The following PPM1L variants were observed in gnomAD, a reference collection of about 807,000 sequenced individuals.
The protein encoded by PPM1L is protein phosphatase, Mg2+/Mn2+ dependent 1L.
In PPM1L, 13 loss-of-function variants were observed where a neutral mutation model predicts 31.4. That is an observed-to-expected ratio of 0.41 (90% CI 0.27 to 0.66). PPM1L has a LOEUF of 0.66. PPM1L is among the 30% of genes least tolerant of loss of function. The probability of loss-of-function intolerance (pLI) is 0.29; values close to 1 mark genes in which losing one functional copy is unlikely to be tolerated. For synonymous variants in PPM1L, 184 were observed against 175.4 expected, an observed-to-expected ratio of 1.05 and a Z score of -0.39; for missense variants, 326 against 453.7, an observed-to-expected ratio of 0.72 and a Z score of 2.56.
At chr3:160,960,550 T>C (rs1221199427) in intron 1 of PPM1L, among the ~76,000 whole-genome samples, 1 of 141,968 alleles carries the variant, frequency 7.0e-6, no homozygotes, top group Non-Finnish European at 1.5e-5. Flanking sequence ...GTTCGTTTTT[T>C]AGCAGTTTTG....
intron 1 of PPM1L, among the ~76,000 whole-genome samples, chr3:160,903,218 G>T (rs1206129729): frequency 1.5e-4 from 22 of 146,168 alleles, no homozygotes; most frequent in Admixed American, 5.7e-4. Context: ...TTGTGTGTGT[G>T]TGTGTGTGTG....
At chr3:160,868,612 A>G (rs1284054051) in intron 1 of PPM1L, among the ~76,000 whole-genome samples, 3 of 152,168 alleles carry the variant, frequency 2.0e-5, no homozygotes, top group Non-Finnish European at 4.4e-5. Context: ...GTTTCCACCT[A>G]AAACCTAGTC....
chr3:160,814,743 G>A (rs1192544436), intron 1 of PPM1L, among the ~76,000 whole-genome samples: 1 of 146,002 alleles, frequency 6.8e-6, no homozygotes, highest in East Asian at 2.0e-4. Flanking sequence ...ATGTATATAT[G>A]TGTATATATA....
At chr3:160,811,073 AT>A (rs1712790223) in intron 1 of PPM1L, among the ~76,000 whole-genome samples, 1 of 152,226 alleles carries the variant, frequency 6.6e-6, no homozygotes, top group South Asian at 2.1e-4. Context: ...TGAAGAAAGC[AT>A]TTGATTTTCA....
intron 2 of PPM1L, among the ~76,000 whole-genome samples, chr3:160,966,210 C>G (rs1369071343): frequency 6.6e-6 from 1 of 152,002 alleles, no homozygotes; most frequent in Non-Finnish European, 1.5e-5. Context: ...TTATATAGTT[C>G]TGACTCATTA....
At chr3:160,821,064 T>G (rs1013716342) in intron 1 of PPM1L, among the ~76,000 whole-genome samples, 2 of 152,014 alleles carry the variant, frequency 1.3e-5, no homozygotes, top group African/African-American at 4.8e-5. Flanking sequence ...ACAGCCTGTA[T>G]TTTGTAGACT....
chr3:160,806,586 A>G (rs1712605545), intron 1 of PPM1L, among the ~76,000 whole-genome samples: 5 of 152,120 alleles, frequency 3.3e-5, no homozygotes, highest in Non-Finnish European at 2.9e-5. Flanking sequence ...CCTTAGCTGC[A>G]TGTTAGAATC....
rs1298477879 is a variant in PPM1L, at chr3:161,076,109, G to C, written c.*6952G>C. 1 of 151,898 alleles carries C rather than the reference G, an allele frequency of 6.6e-6. No homozygotes were observed. The highest frequency in any genetic ancestry group is 1.5e-5 in the Non-Finnish European group (1 of 68,014). The allele number at this position is 151,898 out of a possible 1,614,324, so 9.4% of individuals were successfully genotyped here. A position where few individuals can be genotyped will look rare whatever the true frequency, so the allele number is the denominator to read the frequency against. Reference sequence around the variant, plus strand: ...TGATTTGATATTCTTGCTTCTTAGAGAGTTTTCTAATCCATATAATGCAAT... The same window carrying C: ...TGATTTGATATTCTTGCTTCTTAGACAGTTTTCTAATCCATATAATGCAAT... On this transcript the variant is annotated 3_prime_UTR_variant, in exon 4 of 4. Transcript: ENST00000498165.
rs1242896665 is a variant in PPM1L, at chr3:161,078,888, T to C, written c.*9731T>C. 1 of 152,218 alleles carries C rather than the reference T, an allele frequency of 6.6e-6. No homozygotes were observed. The highest frequency in any genetic ancestry group is 1.5e-5 in the Non-Finnish European group (1 of 68,042). The allele number at this position is 152,218 out of a possible 1,614,324, so 9.4% of individuals were successfully genotyped here. A position where few individuals can be genotyped will look rare whatever the true frequency, so the allele number is the denominator to read the frequency against. ...GATTAAAGCAAAAATAAACACAAAG[T>C]TGTTAGACTTTAAACATGAGACTGC... On this transcript the variant is annotated 3_prime_UTR_variant, in exon 4 of 4. Coordinates refer to ENST00000498165, the MANE Select transcript of PPM1L (RefSeq NM_139245.4).
intron 1 of PPM1L, among the ~76,000 whole-genome samples, chr3:160,868,873 A>G (rs975297240): frequency 1.3e-5 from 2 of 152,218 alleles, no homozygotes; most frequent in African/African-American, 2.4e-5. Flanking sequence ...ATGCAACTGG[A>G]TACAAATATT....
At chr3:161,026,462 G>C (rs1007943778) in intron 2 of PPM1L, among the ~76,000 whole-genome samples, 4 of 152,168 alleles carry the variant, frequency 2.6e-5, no homozygotes, top group African/African-American at 4.8e-5. Flanking sequence ...TTGGGAGGCC[G>C]AGGCAGGAGG....
chr3:160,866,333 G>A (rs1401569754), intron 1 of PPM1L, among the ~76,000 whole-genome samples: 2 of 152,124 alleles, frequency 1.3e-5, no homozygotes, highest in African/African-American at 4.8e-5. Flanking sequence ...GCAGCTGTTT[G>A]CTAGATTTTA....
At chr3:161,058,985 C>G (rs1482032363) in intron 2 of PPM1L, among the ~76,000 whole-genome samples, 1 of 152,078 alleles carries the variant, frequency 6.6e-6, no homozygotes, top group African/African-American at 2.4e-5. Context: ...TATACTGTTA[C>G]TTTGTCTGCA....
At chr3:161,016,810 A>G (rs536909645) in intron 2 of PPM1L, among the ~76,000 whole-genome samples, 104 of 152,168 alleles carry the variant, frequency 6.8e-4, no homozygotes, top group Non-Finnish European at 1.2e-3. Flanking sequence ...TGATTATAAC[A>G]ATATGTGGAT....
At chr3:160,763,471 T>C (rs1334969439) in intron 1 of PPM1L, among the ~76,000 whole-genome samples, 3 of 152,230 alleles carry the variant, frequency 2.0e-5, no homozygotes, top group Non-Finnish European at 4.4e-5. Context: ...CTTGAACCAT[T>C]ATGGATAACA....
Position 160,756,752 on chromosome 3 carries a change from C to CGTGTGGGTGTGT in PPM1L, c.399+50_399+51insGGTGTGTGTGTG, listed in dbSNP as rs1714818359. 1.0e-6 allele frequency: 1 copy of CGTGTGGGTGTGT among 953,740 alleles called. No individual in the cohort carries two copies. The highest frequency in any genetic ancestry group is 1.5e-6 in the Non-Finnish European group (1 of 659,746). The allele number at this position is 953,740 out of a possible 1,614,324, so 59.1% of individuals were successfully genotyped here. On this transcript the variant is annotated intron_variant, in intron 1 of 3. Coordinates refer to ENST00000498165, the MANE Select transcript of PPM1L (RefSeq NM_139245.4). The surrounding 1 kb of genome is among the most constrained non-coding windows in gnomAD (Gnocchi z 6.2). The stretch of plus-strand genomic sequence containing the variant: ...TTTGTATTTGTGTCCGTGTATGTCT[C>CGTGTGGGTGTGT]GTGTGTGTGTGTGTGTGTGTGTGTG...
At chr3:160,834,846 G>T (rs764120692) in intron 1 of PPM1L, among the ~76,000 whole-genome samples, 1 of 151,996 alleles carries the variant, frequency 6.6e-6, no homozygotes, top group African/African-American at 2.4e-5. Context: ...GTGACATTTG[G>T]GATATTTCTA....
chr3:161,068,222 T>G (rs1359216512), intron 3 of PPM1L, among the ~76,000 whole-genome samples: 1 of 152,240 alleles, frequency 6.6e-6, no homozygotes, highest in Non-Finnish European at 1.5e-5. Flanking sequence ...CCAGGGAGAC[T>G]GAGGATCAGA....
chr3:160,778,272 G>C (rs2108065046), intron 1 of PPM1L, among the ~76,000 whole-genome samples: 1 of 152,014 alleles, frequency 6.6e-6, no homozygotes, highest in East Asian at 1.9e-4. Flanking sequence ...ATGTAGTCCA[G>C]ATATTAATCT....
Sources: gnomAD v4.1 joint callset for allele counts (sites outside exome capture counted in the v4.1 genomes callset) on GRCh38, gnomAD v4.1.1 for gene constraint, Gnocchi (gnomAD v3.1) non-coding constraint, MANE v1.5 for transcripts, NCBI Gene and HGNC (gene_info 2026-07-23, HGNC 2026-07-21) for gene names.